The following PRMT9 variants were observed in gnomAD, a reference collection of about 807,000 sequenced individuals.
PRMT9 encodes protein arginine N-methyltransferase 9.
PRMT9 carries 59 observed loss-of-function variants against 83.2 expected under a neutral mutation model. That is an observed-to-expected ratio of 0.71 (90% confidence interval 0.57 to 0.88). The LOEUF is 0.88. PRMT9 is among the 40% of genes least tolerant of loss of function. The probability of loss-of-function intolerance (pLI) is 0.00; values close to 1 mark genes in which losing one functional copy is unlikely to be tolerated. For synonymous variants in PRMT9, 333 were observed against 353.2 expected, an observed-to-expected ratio of 0.94 and a Z score of 0.64; for missense variants, 947 against 1,021.9, an observed-to-expected ratio of 0.93 and a Z score of 1.00.
chr4:147,673,722 G>A lies in PRMT9; in HGVS notation c.491C>T (p.Thr164Ile), dbSNP rs1735888665. The A allele has an allele frequency of 6.2e-7, 1 of 1,613,822 alleles. No individual in the cohort carries two copies. Among genetic ancestry groups the A allele is most frequent in the South Asian group, 1.1e-5 (1 of 91,070 alleles). The part of the protein sequence containing the change: ...FIMLNDTKRN[T>I]IYNAAIQKAV... ...CTTTTGGATTGCTGCATTATAAATT[G>A]TATTCCTCTTGGTGTCATTAAGCAT... The change falls in exon 3 of 12, where the codon ACA becomes ATA. Residue 164 changes from threonine to isoleucine, a missense_variant. Coordinates refer to ENST00000322396, the MANE Select transcript of PRMT9 (RefSeq NM_138364.4).
rs1213738160 is a variant in PRMT9 at position 147,659,660 on chromosome 4, C to G, written c.1146+1186G>C. 7.0e-5 allele frequency among the ~76,000 whole-genome samples: 10 copies of G among 143,008 alleles called. No individual in the cohort carries two copies. The Admixed American group carries it at 7.5e-4, about 11-fold the overall frequency. 93.8% of individuals were successfully genotyped at this position (143,008 alleles called of 152,430 possible). A position where few individuals can be genotyped will look rare whatever the true frequency, so the allele number is the denominator to read the frequency against. ...ATGGCGCAATTTTGGCTCATGCAAA[C>G]TCCGCCTCCTGGGTTCAAGCAATTC... On this transcript the variant is annotated intron_variant, in intron 7 of 11. Transcript: ENST00000322396.
chr4:147,641,667 TA>T (rs1416266637), intron 10 of PRMT9, among the ~76,000 whole-genome samples: 3 of 152,292 alleles, frequency 2.0e-5, no homozygotes, highest in Admixed American at 6.5e-5. Context: ...AATGTACATG[TA>T]GTAGACATTC....
intron 9 of PRMT9, among the ~76,000 whole-genome samples, chr4:147,644,411 GGA>G (rs1372722548): frequency 7.9e-5 from 12 of 151,344 alleles, no homozygotes; most frequent in South Asian, 2.1e-4. Context: ...TAATACTGGA[GGA>G]GAGAGAGTCA....
At chr4:147,639,525 A>C (rs769595500) in intron 10 of PRMT9, among the ~76,000 whole-genome samples, 1 of 152,214 alleles carries the variant, frequency 6.6e-6, no homozygotes, top group Non-Finnish European at 1.5e-5. Context: ...AAATAAGTTT[A>C]TTTCCAGAAG....
intron 9 of PRMT9, among the ~76,000 whole-genome samples, chr4:147,649,640 T>C (rs986407257): frequency 3.9e-5 from 6 of 152,122 alleles, no homozygotes; most frequent in Non-Finnish European, 5.9e-5. Flanking sequence ...GTAGCTGGGA[T>C]TACAGGCATG....
chr4:147,639,258 G>A (rs1733222528), intron 10 of PRMT9, 176 bp from the exon 11 acceptor site: 1 of 577,308 alleles, frequency 1.7e-6, no homozygotes, highest in South Asian at 2.0e-5. Context: ...GCTAAGGCTG[G>A]CTTTCATTAG....
At chr4:147,643,919 G>A (rs1042364956) in intron 9 of PRMT9, among the ~76,000 whole-genome samples, 4 of 152,164 alleles carry the variant, frequency 2.6e-5, no homozygotes, top group African/African-American at 9.7e-5. Flanking sequence ...TTGAGCCCAG[G>A]AGGTCCACAT....
rs751648306 is a variant in PRMT9 at position 147,676,793 on chromosome 4, C to T, written c.339-2919G>A. Among the ~76,000 whole-genome samples, 114 of 152,094 alleles carry T rather than the reference C, an allele frequency of 7.5e-4. 1 individual carries two copies. The highest frequency in any genetic ancestry group is 1.1e-3 in the Non-Finnish European group (77 of 68,026). Reference sequence around the variant, plus strand: ...GCACGTCATAGCTCATGTCTTTGGGCGCCACTTTGGGAGACCGAGGCGGGT... The same window carrying T: ...GCACGTCATAGCTCATGTCTTTGGGTGCCACTTTGGGAGACCGAGGCGGGT... On this transcript the variant is annotated intron_variant, in intron 2 of 11. Transcript: ENST00000322396.
intron 7 of PRMT9, among the ~76,000 whole-genome samples, chr4:147,659,741 C>A (rs1317840135): frequency 6.6e-6 from 1 of 151,948 alleles, no homozygotes; most frequent in African/African-American, 2.4e-5. Context: ...CCACACCCAG[C>A]TAATTTTTTG....
chr4:147,664,031 A>G (rs2126615615), intron 6 of PRMT9, among the ~76,000 whole-genome samples: 1 of 152,336 alleles, frequency 6.6e-6, no homozygotes, highest in Admixed American at 6.5e-5. Context: ...TCAATAATGC[A>G]GGCAGGGCAC....
rs553928570 is a variant in PRMT9 at position 147,650,919 on chromosome 4, G to A, written c.2045+2933C>T. On this transcript the variant is annotated intron_variant, in intron 9 of 11. Transcript: ENST00000322396. ...AGATCGAGACCATCCTGGCTAACAC[G>A]GTGAAACCCCGTCTCTATTAAAAAT... Among the ~76,000 whole-genome samples the A allele has an allele frequency of 3.3e-5, 5 of 152,262 alleles. No homozygotes were observed. In the South Asian group the frequency reaches 6.2e-4, roughly 19 times the overall value.
chr4:147,681,631 AT>A (rs1736476348), intron 1 of PRMT9, among the ~76,000 whole-genome samples: 1 of 152,114 alleles, frequency 6.6e-6, no homozygotes, highest in African/African-American at 2.4e-5. Flanking sequence ...TACTAAAAAT[AT>A]AAAAATTAGC....
intron 2 of PRMT9, among the ~76,000 whole-genome samples, chr4:147,675,083 C>T (rs1027098283): frequency 1.3e-5 from 2 of 152,064 alleles, no homozygotes; most frequent in African/African-American, 2.4e-5. Context: ...CAGGTTCAAG[C>T]GATTCTCCTG....
rs77449246 is a variant in PRMT9 at position 147,678,863 on chromosome 4, T to G, written c.338+1460A>C. Among the ~76,000 whole-genome samples the G allele has an allele frequency of 8.6e-3, 1,302 of 152,258 alleles. 20 individuals carry two copies. The highest frequency in any genetic ancestry group is 0.03 in the African/African-American group (1,242 of 41,542). On this transcript the variant is annotated intron_variant, in intron 2 of 11. Coordinates refer to ENST00000322396, the MANE Select transcript of PRMT9 (RefSeq NM_138364.4). ...AGGAACTTTGGAGGCTTGCACCTGG[T>G]TTTCCTTTACACTTTGCCCCATACA... is the stretch of plus-strand genomic sequence containing the variant.
At chr4:147,674,511 C>G (rs567431726) in intron 2 of PRMT9, among the ~76,000 whole-genome samples, 1 of 152,080 alleles carries the variant, frequency 6.6e-6, no homozygotes, top group East Asian at 1.9e-4. Context: ...AAAAAAAAAC[C>G]TATCCAACCC....
chr4:147,665,942 G>A (rs202007175), intron 6 of PRMT9, among the ~76,000 whole-genome samples: 9 of 152,290 alleles, frequency 5.9e-5, no homozygotes, highest in African/African-American at 1.4e-4. Context: ...ACACATGTAT[G>A]AGTATTTATC....
intron 9 of PRMT9, among the ~76,000 whole-genome samples, chr4:147,644,413 A>G (rs369232343): frequency 1.3e-5 from 2 of 151,842 alleles, no homozygotes; most frequent in Admixed American, 6.6e-5. Context: ...ATACTGGAGG[A>G]GAGAGAGTCA....
intron 4 of PRMT9, among the ~76,000 whole-genome samples, chr4:147,672,401 C>T (rs1001467561): frequency 6.6e-6 from 1 of 152,218 alleles, no homozygotes; most frequent in African/African-American, 2.4e-5. Context: ...GGAACCAGAT[C>T]ATTTTCAAAT....
intron 4 of PRMT9, among the ~76,000 whole-genome samples, chr4:147,670,979 G>A (rs550528102): frequency 6.6e-6 from 1 of 151,784 alleles, no homozygotes; most frequent in South Asian, 2.1e-4. Flanking sequence ...GATGGAGGGT[G>A]GGGGGAGGTG....
Sources: gnomAD v4.1 joint callset for allele counts (sites outside exome capture counted in the v4.1 genomes callset) on GRCh38, gnomAD v4.1.1 for gene constraint, MANE v1.5 for transcripts, NCBI Gene and HGNC (gene_info 2026-07-23, HGNC 2026-07-21) for gene names.